Variants in TBC1D5 observed in about 807,000 individuals in gnomAD.
TBC1D5 encodes TBC1 domain family member 5, also known as TBC1 domain family, member 5.
A neutral mutation model predicts 100.3 loss-of-function variants in TBC1D5; 75 were observed. The ratio of observed to expected loss-of-function variants is 0.75; its 90% confidence interval spans 0.62 to 0.91. The LOEUF (loss-of-function observed/expected upper bound fraction) is 0.91, where lower values mean the gene tolerates loss of function less well. Ranked by LOEUF, TBC1D5 falls within the 40% of genes least tolerant of loss-of-function variation. TBC1D5 has a pLI of 0.00. For synonymous variants in TBC1D5, 323 were observed against 325.6 expected (o/e 0.99, Z 0.09); for missense variants, 910 against 942.4 (o/e 0.97, Z 0.45).
chr3:17,175,404 A>C (rs77423884), intron 19 of TBC1D5, among the ~76,000 whole-genome samples: 3,946 of 152,268 alleles, frequency 0.026, 66 homozygotes, highest in Middle Eastern at 0.068. Context: ...AGCACTTATC[A>C]CCCTGTGCGC....
intron 13 of TBC1D5, among the ~76,000 whole-genome samples, chr3:17,328,786 G>T (rs536305226): frequency 1.3e-5 from 2 of 152,272 alleles, no homozygotes; most frequent in Admixed American, 1.3e-4. Flanking sequence ...CTTATGAATT[G>T]TGAAATTCTT....
Position 17,200,561 on chromosome 3 carries a change from C to T in TBC1D5, c.1752+13646G>A, listed in dbSNP as rs1007838503. On this transcript the variant is annotated intron_variant, in intron 18 of 21. Transcript: ENST00000253692. ...GATCCTGAAACCATGCCCCTGCAAC[C>T]GCATCTGTGGAAAAACTGTTTTCCG... Among the ~76,000 whole-genome samples, 6 of 152,232 alleles carry T rather than the reference C, an allele frequency of 3.9e-5. No homozygotes were observed. The East Asian group carries it at 7.7e-4, about 20-fold the overall frequency.
At chr3:17,401,379 G>T (rs1482594192) in intron 8 of TBC1D5, among the ~76,000 whole-genome samples, 2 of 41,142 alleles carry the variant, frequency 4.9e-5, no homozygotes, top group African/African-American at 2.3e-4. Flanking sequence ...ATATACATAT[G>T]TATATGTATA....
intron 1 of TBC1D5, among the ~76,000 whole-genome samples, chr3:17,638,255 A>G (rs1039750922): frequency 6.6e-6 from 1 of 152,130 alleles, no homozygotes; most frequent in African/African-American, 2.4e-5. Context: ...ACCACAGTCA[A>G]TTTTAGAACA....
chr3:17,287,466 G>T (rs575245494), intron 15 of TBC1D5, among the ~76,000 whole-genome samples: 1 of 152,184 alleles, frequency 6.6e-6, no homozygotes, highest in African/African-American at 2.4e-5. Context: ...CCAGGAATCC[G>T]AGGAGGGAAT....
intron 16 of TBC1D5, among the ~76,000 whole-genome samples, chr3:17,245,118 G>A (rs1388324522): frequency 6.6e-6 from 1 of 151,794 alleles, no homozygotes; most frequent in Non-Finnish European, 1.5e-5. Context: ...GCTTGAGCCT[G>A]GGAGGTCGAG....
chr3:17,266,590 C>G (rs1169676142), intron 15 of TBC1D5, among the ~76,000 whole-genome samples: 2 of 152,030 alleles, frequency 1.3e-5, no homozygotes, highest in Non-Finnish European at 2.9e-5. Flanking sequence ...CACAAAACCT[C>G]AGATTTGGAA....
At chr3:17,268,100 G>T (rs2079024853) in intron 15 of TBC1D5, among the ~76,000 whole-genome samples, 1 of 151,920 alleles carries the variant, frequency 6.6e-6, no homozygotes, top group Non-Finnish European at 1.5e-5. Flanking sequence ...CCACAGAGAA[G>T]ACCATGGAGA....
chr3:17,455,324 G>GTA (rs2095043411), intron 3 of TBC1D5, among the ~76,000 whole-genome samples: 1 of 133,670 alleles, frequency 7.5e-6, no homozygotes, highest in African/African-American at 3.2e-5. Flanking sequence ...ATGTGTATAT[G>GTA]TGTATATATG....
chr3:17,551,491 G>A (rs1576657244), intron 2 of TBC1D5, among the ~76,000 whole-genome samples: 1 of 152,062 alleles, frequency 6.6e-6, no homozygotes, highest in Admixed American at 6.6e-5. Context: ...ATGAGCTGGG[G>A]ATCTCATTTT....
chr3:17,234,057 GT>G (rs2075662024), intron 17 of TBC1D5, among the ~76,000 whole-genome samples: 1 of 152,058 alleles, frequency 6.6e-6, no homozygotes, highest in Non-Finnish European at 1.5e-5. Flanking sequence ...ACAAATATTA[GT>G]GTGATTTTAT....
intron 19 of TBC1D5, among the ~76,000 whole-genome samples, chr3:17,168,791 G>A (rs961604944): frequency 2.0e-5 from 3 of 152,058 alleles, no homozygotes; most frequent in Non-Finnish European, 4.4e-5. Context: ...TCTTGGTGGC[G>A]TAAAAAAATG....
At chr3:17,177,864 A>C (rs1026083005) in intron 19 of TBC1D5, among the ~76,000 whole-genome samples, 10 of 152,136 alleles carry the variant, frequency 6.6e-5, no homozygotes, top group African/African-American at 2.4e-4. Flanking sequence ...TATCTCCATC[A>C]CCTCAAGCAT....
intron 3 of TBC1D5, among the ~76,000 whole-genome samples, chr3:17,437,674 AG>A (rs796710220): frequency 2.9e-4 from 31 of 107,644 alleles, no homozygotes; most frequent in African/African-American, 1.1e-3. Flanking sequence ...TTTGGGAGAG[AG>A]GGGGCAGAGG....
At chr3:17,730,123 A>C (rs2076438506) in intron 1 of TBC1D5, among the ~76,000 whole-genome samples, 1 of 152,234 alleles carries the variant, frequency 6.6e-6, no homozygotes, top group Non-Finnish European at 1.5e-5. Flanking sequence ...AAAAAAAAAA[A>C]ATTATACTTA....
At chr3:17,536,658 T>TA (rs2096284457) in intron 2 of TBC1D5, among the ~76,000 whole-genome samples, 1 of 152,140 alleles carries the variant, frequency 6.6e-6, no homozygotes, top group Non-Finnish European at 1.5e-5. Context: ...GTGGCTGGGT[T>TA]ATGGTTTGGT....
intron 19 of TBC1D5, among the ~76,000 whole-genome samples, chr3:17,168,601 G>A (rs555425623): frequency 3.6e-4 from 55 of 152,190 alleles, no homozygotes; most frequent in Non-Finnish European, 7.1e-4. Flanking sequence ...CAGGATTCTC[G>A]CAAGGGGCCG....
chr3:17,220,409 G>C (rs1358580169), intron 17 of TBC1D5, among the ~76,000 whole-genome samples: 1 of 152,074 alleles, frequency 6.6e-6, no homozygotes, highest in Non-Finnish European at 1.5e-5. Context: ...TAGAGAGGCT[G>C]AGTATCTTTT....
Position 17,366,114 on chromosome 3 carries a change from AC to A in TBC1D5, c.995+5960del, listed in dbSNP as rs374846999. On this transcript the variant is annotated intron_variant, in intron 13 of 21. Coordinates refer to ENST00000253692, the Ensembl canonical transcript of TBC1D5. ...AGATCAACCTGGGCAACATAGTGAA[AC>A]CTTGTCTTTACCAAAAATACAAAAA... Among the ~76,000 whole-genome samples, 63 of 152,172 alleles carry A rather than the reference AC, an allele frequency of 4.1e-4. 2 individuals are homozygous for A. In the South Asian group the frequency reaches 9.4e-3, roughly 23 times the overall value.
Sources: allele counts gnomAD v4.1 joint callset (sites outside exome capture counted in the v4.1 genomes callset), GRCh38; gene constraint gnomAD v4.1.1; transcripts MANE v1.5; gene names NCBI Gene and HGNC (gene_info 2026-07-23, HGNC 2026-07-21).